CACNA2D4: variants seen among roughly 807,000 people sequenced by gnomAD.
CACNA2D4 encodes calcium voltage-gated channel auxiliary subunit alpha2delta 4, also known as voltage-dependent calcium channel subunit alpha-2/delta-4.
A neutral mutation model predicts 163.8 loss-of-function variants in CACNA2D4; 157 were observed. The ratio of observed to expected loss-of-function variants is 0.96; its 90% CI spans 0.84 to 1.09. The LOEUF (loss-of-function observed/expected upper bound fraction) is 1.09, where lower values mean the gene tolerates loss of function less well. Among genes scored for constraint, CACNA2D4 ranks in the 50% least tolerant of loss-of-function variants. The probability of loss-of-function intolerance (pLI) is 0.00; values close to 1 mark genes in which losing one functional copy is unlikely to be tolerated. For missense variants in CACNA2D4, 1,410 were observed against 1,479.9 expected (o/e 0.95, Z 0.78); for synonymous variants, 598 against 586.9 (o/e 1.02, Z -0.27).
chr12:1,840,657 A>T, intron 26 of CACNA2D4, 82 bp downstream of exon 26: 1 of 1,162,490 alleles, frequency 8.6e-7, no homozygotes, highest in Non-Finnish European at 1.3e-6. Context: ...CCACATGTGC[A>T]GGGCCTTCTG....
intron 11 of CACNA2D4, among the ~76,000 whole-genome samples, chr12:1,884,567 C>G (rs577273350): frequency 6.6e-6 from 1 of 152,188 alleles, no homozygotes; most frequent in East Asian, 1.9e-4. Flanking sequence ...GGTCCCTTAC[C>G]CCAAACTTCC....
In CACNA2D4 at chr12:1,799,855, A is replaced by C. The variant is rs1863250060; in HGVS notation, c.2974+145T>G. On this transcript the variant is annotated intron_variant, in intron 33 of 37. Transcript: ENST00000382722. This position sits in a 1 kb window ranked among gnomAD's most constrained non-coding sequence, Gnocchi z 4.7. Reference sequence around the variant, plus strand: ...CCAGGAGTGAGGGATGTGATGAGAGAAGGCCACGCAGGGTGAGATGTGAAC... The same window carrying C: ...CCAGGAGTGAGGGATGTGATGAGAGCAGGCCACGCAGGGTGAGATGTGAAC... 2.4e-6 allele frequency: 3 copies of C among 1,255,070 alleles called. No individual in the cohort carries two copies. Among genetic ancestry groups the C allele is most frequent in the Middle Eastern group, 3.7e-4 (2 of 5,414 alleles). 77.7% of individuals were successfully genotyped at this position (1,255,070 alleles called of 1,614,324 possible). A position where few individuals can be genotyped will look rare whatever the true frequency, so the allele number is the denominator to read the frequency against.
At chr12:1,856,630 C>T (rs1248025442) in intron 20 of CACNA2D4, among the ~76,000 whole-genome samples, 3 of 152,184 alleles carry the variant, frequency 2.0e-5, no homozygotes, top group Non-Finnish European at 4.4e-5. Flanking sequence ...CATCTTATTC[C>T]TCCTAGCATC....
At chr12:1,858,500 G>C in intron 20 of CACNA2D4, 77 bp downstream of exon 20, 1 of 1,298,798 alleles carries the variant, frequency 7.7e-7, no homozygotes, top group Non-Finnish European at 1.1e-6. Flanking sequence ...CTCTGGTTGG[G>C]GTTGGCCCTG....
chr12:1,895,514 A>G (rs1866382326), intron 6 of CACNA2D4, among the ~76,000 whole-genome samples: 1 of 152,202 alleles, frequency 6.6e-6, no homozygotes, highest in Admixed American at 6.5e-5. Context: ...GGCTATAGTA[A>G]CCCAAACAGC....
intron 18 of CACNA2D4, among the ~76,000 whole-genome samples, chr12:1,862,456 G>C (rs188245205): frequency 1.3e-4 from 20 of 152,074 alleles, no homozygotes; most frequent in African/African-American, 4.6e-4. Context: ...GTTTTGTTTT[G>C]ACAGAGTCTC....
At chr12:1,886,789 T>G (rs974246673) in intron 7 of CACNA2D4, among the ~76,000 whole-genome samples, 1 of 151,808 alleles carries the variant, frequency 6.6e-6, no homozygotes, top group African/African-American at 2.4e-5. Flanking sequence ...GAGGTTTAGG[T>G]TGGGAAAGAC....
Position 1,851,651 on chromosome 12 carries a change from T to TTGTGTGTGTGTGTG in CACNA2D4, c.2246+2286_2246+2299dup, listed in dbSNP as rs71055202. On this transcript the variant is annotated intron_variant, in intron 23 of 37. Transcript: ENST00000382722. ...CTTCTTTGCTTTTTTTGGTGTGTGT[T>TTGTGTGTGTGTGTG]TGTGTGTGTGTGTGTGTGTGTGTGT... 4.4e-3 allele frequency among the ~76,000 whole-genome samples: 526 copies of TTGTGTGTGTGTGTG among 118,546 alleles called. 8 individuals carry two copies. The highest frequency in any genetic ancestry group is 6.0e-3 in the Non-Finnish European group (362 of 60,702). 77.8% of individuals were successfully genotyped at this position (118,546 alleles called of 152,430 possible).
chr12:1,825,173 G>GC lies in CACNA2D4; in HGVS notation c.2552-13451dup, dbSNP rs571184466. On this transcript the variant is annotated intron_variant, in intron 26 of 37. Transcript: ENST00000382722. ...TGGGACCTCCAGACCTGCACAAGAG[G>GC]CCGCCTTCACCAGCCTGTTTGCTGG... 1.5e-3 allele frequency among the ~76,000 whole-genome samples: 232 copies of GC among 152,348 alleles called. 1 individual carries two copies. Among genetic ancestry groups the GC allele is most frequent in the African/African-American group, 5.2e-3 (216 of 41,576 alleles).
chr12:1,888,821 C>A (rs1285222777), intron 6 of CACNA2D4, among the ~76,000 whole-genome samples: 1 of 152,122 alleles, frequency 6.6e-6, no homozygotes, highest in East Asian at 1.9e-4. Context: ...AGAGATGATA[C>A]TGGCAAATAT....
At position 1,834,156 on chromosome 12, in the gene CACNA2D4, T is replaced by A; in HGVS notation, c.2551+6583A>T. 3.2e-6 allele frequency: 4 copies of A among 1,246,706 alleles called. No homozygotes were observed. The highest frequency in any genetic ancestry group is 4.3e-6 in the Non-Finnish European group (4 of 922,136). The allele number at this position is 1,246,706 out of a possible 1,614,324, so 77.2% of individuals were successfully genotyped here. On this transcript the variant is annotated intron_variant, in intron 26 of 37. Coordinates refer to ENST00000382722, the MANE Select transcript of CACNA2D4 (RefSeq NM_172364.5). The surrounding 1 kb of genome is among the most constrained non-coding windows in gnomAD (Gnocchi z 7.6). ...ATGGTGATTCCAGGATTGACTACAT[T>A]GCTGATAAAAACTACCTTCTGGGGC...
intron 18 of CACNA2D4, among the ~76,000 whole-genome samples, chr12:1,866,722 G>C (rs1360568364): frequency 1.3e-5 from 2 of 152,054 alleles, no homozygotes; most frequent in Non-Finnish European, 2.9e-5. Context: ...CTGGGCTCAA[G>C]TGATTCTCCC....
rs1863529868 is a variant in CACNA2D4, at chr12:1,806,161, G to A, written c.2721+4117C>T. On this transcript the variant is annotated intron_variant, in intron 29 of 37. Transcript: ENST00000382722. The surrounding 1 kb of genome is among the most constrained non-coding windows in gnomAD (Gnocchi z 4.1). Reference sequence around the variant, plus strand: ...ATCCACTTTGAAGCTTCCATGGGTGGGTGCCGCCCAGAAGCAAATGACAGG... The same window carrying A: ...ATCCACTTTGAAGCTTCCATGGGTGAGTGCCGCCCAGAAGCAAATGACAGG... Among the ~76,000 whole-genome samples the A allele has an allele frequency of 6.6e-6, 1 of 152,170 alleles. No individual in the cohort carries two copies. Among genetic ancestry groups the A allele is most frequent in the Non-Finnish European group, 1.5e-5 (1 of 68,022 alleles).
intron 26 of CACNA2D4, among the ~76,000 whole-genome samples, chr12:1,821,695 G>A (rs1187142528): frequency 1.3e-5 from 2 of 152,110 alleles, no homozygotes; most frequent in Non-Finnish European, 2.9e-5. Flanking sequence ...TGAGTAGAGC[G>A]GGACAGTTGC....
chr12:1,908,142 G>T, intron 4 of CACNA2D4, 105 bp from the exon 5 acceptor site: 1 of 1,262,082 alleles, frequency 7.9e-7, no homozygotes, highest in Non-Finnish European at 1.1e-6. Context: ...GCCGGGGCCG[G>T]GCGGCCATCA....
intron 18 of CACNA2D4, among the ~76,000 whole-genome samples, chr12:1,866,148 T>C (rs1445558542): frequency 6.6e-6 from 1 of 152,220 alleles, no homozygotes; most frequent in Non-Finnish European, 1.5e-5. Flanking sequence ...AGGTTTTTCA[T>C]AGGTGCCTTT....
intron 26 of CACNA2D4, among the ~76,000 whole-genome samples, chr12:1,839,450 C>T (rs957392901): frequency 1.3e-5 from 2 of 152,240 alleles, no homozygotes; most frequent in African/African-American, 4.8e-5. Context: ...GTGAGGGTCA[C>T]AGTTGCTCTC....
At chr12:1,850,937 T>C (rs187023613) in intron 23 of CACNA2D4, among the ~76,000 whole-genome samples, 248 of 151,384 alleles carry the variant, frequency 1.6e-3, no homozygotes, top group African/African-American at 5.8e-3. Context: ...GGCAGGAGTG[T>C]GGTGACATGA....
In CACNA2D4 at chr12:1,874,604, C is replaced by T. The variant is rs1486111867; in HGVS notation, c.1878G>A (p.Gly626=). The change falls in exon 18 of 38, where the codon GGG becomes GGA. Residue 626 remains glycine (G), a splice_region_variant and synonymous_variant. Transcript: ENST00000382722. This position sits in a 1 kb window ranked among gnomAD's most constrained non-coding sequence, Gnocchi z 4.4. ...SMDVKVPMDK[G]KRVLFLTNDY... ...GCCCTGGCTGTTTCTAGCTCCTTAC[C>T]CCTTTATCCATCGGAACCTTCACAT... 1 of 1,607,886 alleles carries T rather than the reference C, an allele frequency of 6.2e-7. No homozygotes were observed. Among genetic ancestry groups the T allele is most frequent in the African/African-American group, 1.3e-5 (1 of 74,912 alleles).
Sources: allele counts gnomAD v4.1 joint callset (sites outside exome capture counted in the v4.1 genomes callset), GRCh38; gene constraint gnomAD v4.1.1; non-coding constraint Gnocchi (gnomAD v3.1); transcripts MANE v1.5; gene names NCBI Gene and HGNC (gene_info 2026-07-23, HGNC 2026-07-21).